Variants in ITGBL1 observed in about 807,000 individuals in gnomAD.
ITGBL1 encodes the protein integrin subunit beta like 1, also known as integrin beta-like protein 1.
ITGBL1 carries 51 observed loss-of-function variants against 68.5 expected under a neutral mutation model. That is an observed-to-expected ratio of 0.74 (90% CI 0.59 to 0.94). The LOEUF (loss-of-function observed/expected upper bound fraction) is 0.94. Ranked by LOEUF, ITGBL1 falls within the 40% of genes least tolerant of loss-of-function variation. The pLI is 0.00. For missense variants in ITGBL1, 649 were observed against 647.4 expected (o/e 1.00, Z -0.03); for synonymous variants, 209 against 227.3 (o/e 0.92, Z 0.72).
intron 5 of ITGBL1, 119 bp from the exon 6 acceptor site, chr13:101,583,097 C>T: frequency 1.1e-6 from 1 of 934,080 alleles, no homozygotes. Flanking sequence ...ATATTTTTGT[C>T]TGAATATATG....
At chr13:101,544,192 C>T (rs957111419) in intron 2 of ITGBL1, among the ~76,000 whole-genome samples, 6 of 151,920 alleles carry the variant, frequency 3.9e-5, no homozygotes, top group African/African-American at 1.5e-4. Context: ...TTTTATCTAC[C>T]TTTGGTCTTT....
intron 2 of ITGBL1, among the ~76,000 whole-genome samples, chr13:101,488,389 T>C (rs2139054208): frequency 6.6e-6 from 1 of 152,318 alleles, no homozygotes; most frequent in East Asian, 1.9e-4. Context: ...TCTTTACCTT[T>C]AAGTGGATTA....
intron 2 of ITGBL1, among the ~76,000 whole-genome samples, chr13:101,542,707 C>G (rs978767019): frequency 1.4e-4 from 22 of 152,110 alleles, no homozygotes; most frequent in Non-Finnish European, 2.6e-4. Context: ...CTTTGTAGGT[C>G]TCTAAGGACT....
chr13:101,652,352 A>C (rs902911506), intron 7 of ITGBL1, among the ~76,000 whole-genome samples: 7 of 152,116 alleles, frequency 4.6e-5, no homozygotes, highest in Non-Finnish European at 2.9e-5. Context: ...ATGTGACCTT[A>C]TGTAAGTTAC....
chr13:101,665,135 A>G (rs762741206), intron 7 of ITGBL1, among the ~76,000 whole-genome samples: 5 of 152,002 alleles, frequency 3.3e-5, no homozygotes, highest in Admixed American at 6.6e-5. Flanking sequence ...GGCTATTTGT[A>G]TGCCTTTGCA....
chr13:101,681,353 A>G (rs2033635656), intron 7 of ITGBL1, among the ~76,000 whole-genome samples: 1 of 152,140 alleles, frequency 6.6e-6, no homozygotes, highest in South Asian at 2.1e-4. Context: ...ACAATTTTTA[A>G]CACTAGCAGT....
chr13:101,453,032 T>C lies in ITGBL1; in HGVS notation c.98+101T>C, dbSNP rs963421704. ...CCCTAAGCCAAGAGCTGTTATTAAA[T>C]TGGACAAGGGATAAACTGTTTTCAA... On this transcript the variant is annotated intron_variant, in intron 1 of 10. Transcript: ENST00000376180. The C allele has an allele frequency of 5.5e-6, 5 of 914,004 alleles. No homozygotes were observed. In the African/African-American group the frequency reaches 8.2e-5, roughly 15 times the overall value. The allele number at this position is 914,004 out of a possible 1,614,324, so 56.6% of individuals were successfully genotyped here. A position where few individuals can be genotyped will look rare whatever the true frequency, so the allele number is the denominator to read the frequency against.
intron 7 of ITGBL1, among the ~76,000 whole-genome samples, chr13:101,603,250 T>C (rs78770822): frequency 0.12 from 17,661 of 151,994 alleles, 1,418 homozygotes; most frequent in African/African-American, 0.23. Context: ...ATTGTCTGTC[T>C]TTTTGATTCT....
intron 2 of ITGBL1, among the ~76,000 whole-genome samples, chr13:101,457,756 C>T (rs1269328262): frequency 6.6e-6 from 1 of 152,022 alleles, no homozygotes; most frequent in Admixed American, 6.6e-5. Context: ...GCAGAGGTTG[C>T]AGTGAGCCAA....
intron 2 of ITGBL1, among the ~76,000 whole-genome samples, chr13:101,470,122 T>A (rs1204311345): frequency 6.6e-6 from 1 of 152,172 alleles, no homozygotes; most frequent in Non-Finnish European, 1.5e-5. Context: ...GATCTCCAGT[T>A]ACTGTAGATT....
intron 2 of ITGBL1, among the ~76,000 whole-genome samples, chr13:101,528,732 A>G (rs184166549): frequency 6.6e-6 from 1 of 152,138 alleles, no homozygotes; most frequent in African/African-American, 2.4e-5. Flanking sequence ...TGAAATTAAC[A>G]GAAGAGGGAG....
At position 101,583,158 on chromosome 13, in the gene ITGBL1, T is replaced by C; in HGVS notation, c.728-58T>C. On this transcript the variant is annotated intron_variant, in intron 5 of 10. Coordinates refer to ENST00000376180, the MANE Select transcript of ITGBL1 (RefSeq NM_004791.3). The stretch of plus-strand genomic sequence containing the variant: ...AGAAAATAATAAGCGATATGTGAAA[T>C]GCTTTCTTTCATGGTTTTTCTTGAC... 2.0e-6 allele frequency: 3 copies of C among 1,514,722 alleles called. No homozygotes were observed. The East Asian group carries it at 6.8e-5, about 34-fold the overall frequency. The allele number at this position is 1,514,722 out of a possible 1,614,324, so 93.8% of individuals were successfully genotyped here.
At chr13:101,593,669 C>G (rs1444904770) in intron 6 of ITGBL1, among the ~76,000 whole-genome samples, 1 of 151,764 alleles carries the variant, frequency 6.6e-6, no homozygotes, top group African/African-American at 2.4e-5. Flanking sequence ...CACAGAAAGA[C>G]CTTATTTCAA....
chr13:101,641,967 G>A (rs1048614638), intron 7 of ITGBL1, among the ~76,000 whole-genome samples: 1 of 151,968 alleles, frequency 6.6e-6, no homozygotes, highest in East Asian at 1.9e-4. Context: ...TGTCATTGTT[G>A]GACATTTGGG....
chr13:101,519,453 C>T (rs1469400665), intron 2 of ITGBL1, among the ~76,000 whole-genome samples: 4 of 152,128 alleles, frequency 2.6e-5, no homozygotes, highest in African/African-American at 7.2e-5. Flanking sequence ...GCAGGCTAAT[C>T]TGCACTTACT....
intron 2 of ITGBL1, among the ~76,000 whole-genome samples, chr13:101,543,807 C>A (rs1249455287): frequency 2.0e-5 from 3 of 152,010 alleles, no homozygotes; most frequent in Non-Finnish European, 4.4e-5. Flanking sequence ...TTCATTTGAT[C>A]ATCCATCACT....
chr13:101,610,297 G>A (rs926986881), intron 7 of ITGBL1, among the ~76,000 whole-genome samples: 4 of 152,074 alleles, frequency 2.6e-5, no homozygotes, highest in Admixed American at 6.6e-5. Context: ...CTCAACAGAT[G>A]TTCTTTCTAA....
At chr13:101,484,128 A>G (rs2048667856) in intron 2 of ITGBL1, among the ~76,000 whole-genome samples, 1 of 151,908 alleles carries the variant, frequency 6.6e-6, no homozygotes, top group South Asian at 2.1e-4. Context: ...GCAAATACCA[A>G]AAAAAATGAA....
Position 101,472,188 on chromosome 13 carries a change from T to C in ITGBL1, c.316+18088T>C, listed in dbSNP as rs542289961. On this transcript the variant is annotated intron_variant, in intron 2 of 10. Coordinates refer to ENST00000376180, the MANE Select transcript of ITGBL1 (RefSeq NM_004791.3). The stretch of plus-strand genomic sequence containing the variant: ...AATCCTTAATTTCCTAAATATAGAC[T>C]TAATGTCTTATGAGTTAAAGAACAC... 1.1e-3 allele frequency among the ~76,000 whole-genome samples: 174 copies of C among 152,290 alleles called. 1 individual carries two copies. The highest frequency in any genetic ancestry group is 4.0e-3 in the African/African-American group (165 of 41,576).
Sources: allele counts gnomAD v4.1 joint callset (sites outside exome capture counted in the v4.1 genomes callset), GRCh38; gene constraint gnomAD v4.1.1; transcripts MANE v1.5; gene names NCBI Gene and HGNC (gene_info 2026-07-23, HGNC 2026-07-21).